The following PPP2R2C variants were observed in gnomAD, a reference collection of about 807,000 sequenced individuals.
PPP2R2C encodes the protein protein phosphatase 2 regulatory subunit Bgamma, also known as protein phosphatase 2, regulatory subunit B, gamma.
Under a neutral mutation model 45.3 loss-of-function variants are expected in PPP2R2C, and 10 were observed. That is an observed-to-expected ratio of 0.22 (90% confidence interval 0.14 to 0.37). The LOEUF (loss-of-function observed/expected upper bound fraction) is 0.37, where lower values mean the gene tolerates loss of function less well. Among genes scored for constraint, PPP2R2C ranks in the 10% least tolerant of loss-of-function variants. PPP2R2C has a pLI of 1.00. For missense variants in PPP2R2C, 308 were observed against 619.7 expected, an observed-to-expected ratio of 0.50 and a Z score of 5.34; for synonymous variants, 257 against 245.4, an observed-to-expected ratio of 1.05 and a Z score of -0.44.
chr4:6,561,592 G>T (rs1014539675), intron 1 of PPP2R2C, among the ~76,000 whole-genome samples: 7 of 152,130 alleles, frequency 4.6e-5, no homozygotes, highest in Non-Finnish European at 7.3e-5. Flanking sequence ...TCCAAAAAGA[G>T]CTTAATGGCT....
chr4:6,414,076 ATGTGTGTGTGTGTGTGTGTGTGTG>A (rs71173440), intron 1 of PPP2R2C: 6 of 882,336 alleles, frequency 6.8e-6, no homozygotes, highest in South Asian at 5.0e-5. Flanking sequence ...TTGCCTGTGT[ATGTGTGTGTGTGTGTGTGTGTGTG>A]TGTGTGTGTG....
At chr4:6,548,367 TC>T (rs1725066158) in intron 1 of PPP2R2C, among the ~76,000 whole-genome samples, 1 of 152,114 alleles carries the variant, frequency 6.6e-6, no homozygotes, top group Non-Finnish European at 1.5e-5. Context: ...CCTCCAAGCT[TC>T]CTGCTCCCAT....
rs531566106 is a variant in PPP2R2C at position 6,508,230 on chromosome 4, T to G, written c.49+27041A>C. ...TGATGGTCAGGCGGTTATTAAACGG[T>G]CTCTCTAAAATAATAATTGGTTACA... On this transcript the variant is annotated intron_variant, in intron 2 of 9. Transcript: ENST00000506140. 4.3e-3 allele frequency among the ~76,000 whole-genome samples: 654 copies of G among 152,242 alleles called. 2 individuals are homozygous for G. The highest frequency in any genetic ancestry group is 0.015 in the African/African-American group (603 of 41,532).
intron 1 of PPP2R2C, among the ~76,000 whole-genome samples, chr4:6,437,088 C>G (rs931848814): frequency 6.6e-6 from 1 of 152,364 alleles, no homozygotes; most frequent in East Asian, 1.9e-4. Flanking sequence ...CAGCACGCCA[C>G]AGTCCCCACC....
chr4:6,545,968 T>TG lies in PPP2R2C; in HGVS notation c.-58-10592dup, dbSNP rs369407859. Among the ~76,000 whole-genome samples, 28 of 136,886 alleles carry TG rather than the reference T, an allele frequency of 2.0e-4. No homozygotes were observed. The East Asian group carries it at 5.4e-3, about 26-fold the overall frequency. 89.8% of individuals were successfully genotyped at this position (136,886 alleles called of 152,430 possible). A position where few individuals can be genotyped will look rare whatever the true frequency, so the allele number is the denominator to read the frequency against. ...GCACCACAGTTCCCTGGGTGGGGGG[T>TG]GGGGGGGTTGCGTGGGGCAGTTTCC... On this transcript the variant is annotated intron_variant, in intron 1 of 9. Coordinates refer to the PPP2R2C transcript ENST00000506140.
At chr4:6,465,654 T>A (rs948233641) in intron 1 of PPP2R2C, among the ~76,000 whole-genome samples, 35 of 147,770 alleles carry the variant, frequency 2.4e-4, no homozygotes, top group Non-Finnish European at 3.6e-4. Flanking sequence ...AATTCAAATT[T>A]AAAAAAAAAA....
At chr4:6,446,538 C>A (rs1720429774) in intron 1 of PPP2R2C, among the ~76,000 whole-genome samples, 1 of 152,186 alleles carries the variant, frequency 6.6e-6, no homozygotes, top group Admixed American at 6.5e-5. Context: ...GCATAAAAAT[C>A]AGGTAAGATT....
intron 1 of PPP2R2C, among the ~76,000 whole-genome samples, chr4:6,468,358 T>C (rs560606846): frequency 1.3e-5 from 2 of 152,204 alleles, no homozygotes; most frequent in East Asian, 3.9e-4. Flanking sequence ...AACTATAAAA[T>C]CAGGACAACT....
chr4:6,447,697 G>A (rs1458023692), intron 1 of PPP2R2C, among the ~76,000 whole-genome samples: 1 of 152,106 alleles, frequency 6.6e-6, no homozygotes, highest in Non-Finnish European at 1.5e-5. Flanking sequence ...TTGAGAAAGA[G>A]GCTCCAAGCT....
At chr4:6,354,988 T>G (rs1037727581) in intron 5 of PPP2R2C, among the ~76,000 whole-genome samples, 2 of 152,210 alleles carry the variant, frequency 1.3e-5, no homozygotes, top group Non-Finnish European at 2.9e-5. Flanking sequence ...AGTAACCTCC[T>G]GTAAATCTCC....
intron 1 of PPP2R2C, chr4:6,414,076 ATGTGTGTGTGTGTG>A (rs71173440): frequency 5.6e-4 from 497 of 882,286 alleles, no homozygotes; most frequent in East Asian, 1.7e-3. Flanking sequence ...TTGCCTGTGT[ATGTGTGTGTGTGTG>A]TGTGTGTGTG....
At chr4:6,480,095 C>T (rs1327889099) in intron 2 of PPP2R2C, among the ~76,000 whole-genome samples, 1 of 152,088 alleles carries the variant, frequency 6.6e-6, no homozygotes, top group Admixed American at 6.5e-5. Flanking sequence ...CCTCATCTTT[C>T]CTTTCTCTTT....
At chr4:6,472,121 G>A (rs760795780) in intron 1 of PPP2R2C, 39 bp downstream of exon 1, 28 of 1,612,360 alleles carry the variant, frequency 1.7e-5, no homozygotes, top group Non-Finnish European at 2.3e-5. Flanking sequence ...TCCCCACGCC[G>A]CGGCCGGCCG....
intron 2 of PPP2R2C, among the ~76,000 whole-genome samples, chr4:6,483,705 A>C (rs1272959847): frequency 6.6e-6 from 1 of 152,126 alleles, no homozygotes; most frequent in Non-Finnish European, 1.5e-5. Context: ...TGCTTTACAG[A>C]GAATTTCTGT....
rs1375368070 is a variant in PPP2R2C, at chr4:6,347,976, G to C, written c.660C>G (p.Asp220Glu). Residue 220 changes from aspartate to glutamate, a missense_variant, in exon 6 of 9, where the codon GAC (aspartate) becomes GAG (glutamate). Transcript: ENST00000382599. ...IVDIKPANME[D>E]LTEVITASEF... ...CAGATGCTGTGATCACCTCCGTAAG[G>C]TCCTCCATGTTGGCCGGCTTGATGT... 1.2e-6 allele frequency: 2 copies of C among 1,614,022 alleles called. No individual in the cohort carries two copies. The highest frequency in any genetic ancestry group is 1.7e-6 in the Non-Finnish European group (2 of 1,179,982).
Position 6,460,588 on chromosome 4 carries a change from G to A in PPP2R2C, c.70+11572C>T, listed in dbSNP as rs139828214. ...TTTTAAAGATTACAAAATAGGATAC[G>A]CACACAGTAGATGCTCAAAAACCAT... On this transcript the variant is annotated intron_variant, in intron 1 of 8. Transcript: ENST00000382599. Among the ~76,000 whole-genome samples the A allele has an allele frequency of 5.9e-5, 9 of 152,134 alleles. 1 individual carries two copies. In the South Asian group the frequency reaches 1.2e-3, roughly 21 times the overall value.
At chr4:6,397,753 C>T (rs138589953) in intron 1 of PPP2R2C, among the ~76,000 whole-genome samples, 1 of 152,322 alleles carries the variant, frequency 6.6e-6, no homozygotes, top group East Asian at 1.9e-4. Flanking sequence ...ATAAAATGGG[C>T]TTAATATTCA....
Position 6,391,252 on chromosome 4 carries a change from T to C in PPP2R2C, c.71-10158A>G, listed in dbSNP as rs375801950. On this transcript the variant is annotated intron_variant, in intron 1 of 8. Coordinates refer to ENST00000382599, the MANE Select transcript of PPP2R2C (RefSeq NM_020416.4). The stretch of plus-strand genomic sequence containing the variant: ...CACACACCTTGGAAACAATCCCTGT[T>C]CCACCTCATTGTGGCTGTGACCCTG... Among the ~76,000 whole-genome samples, 74 of 152,214 alleles carry C rather than the reference T, an allele frequency of 4.9e-4. No homozygotes were observed. The East Asian group carries it at 0.011, about 22-fold the overall frequency.
chr4:6,419,808 G>C (rs1463826075), intron 1 of PPP2R2C, among the ~76,000 whole-genome samples: 1 of 152,126 alleles, frequency 6.6e-6, no homozygotes, highest in African/African-American at 2.4e-5. Context: ...CTGGCTTCTG[G>C]TGTGTAGATA....
Sources: allele counts gnomAD v4.1 joint callset (sites outside exome capture counted in the v4.1 genomes callset), GRCh38; gene constraint gnomAD v4.1.1; transcripts MANE v1.5; gene names NCBI Gene and HGNC (gene_info 2026-07-23, HGNC 2026-07-21).